The following HSPG2 variants were observed in gnomAD, a reference collection of about 807,000 sequenced individuals.
The protein encoded by HSPG2 is heparan sulfate proteoglycan 2.
In HSPG2, 278 loss-of-function variants were observed where a neutral mutation model predicts 526.6. The observed-to-expected ratio is 0.53, with a 90% CI of 0.48 to 0.58. The LOEUF is 0.58. Among genes scored for constraint, HSPG2 ranks in the 20% least tolerant of loss-of-function variants. The probability of loss-of-function intolerance (pLI) is 0.00; values close to 1 mark genes in which losing one functional copy is unlikely to be tolerated. For missense variants in HSPG2, 5,354 were observed against 6,099.5 expected, an observed-to-expected ratio of 0.88 and a Z score of 4.07; for synonymous variants, 2,465 against 2,555.4, an observed-to-expected ratio of 0.96 and a Z score of 1.07.
chr1:21,917,796 C>T (rs1333752891), intron 1 of HSPG2, among the ~76,000 whole-genome samples: 1 of 152,144 alleles, frequency 6.6e-6, no homozygotes, highest in Non-Finnish European at 1.5e-5. Flanking sequence ...CTTTTTGGAA[C>T]CCCTATAAAG....
intron 13 of HSPG2, 134 bp downstream of exon 13, chr1:21,884,394 C>T (rs1006645687): frequency 8.1e-7 from 1 of 1,238,714 alleles, no homozygotes; most frequent in Non-Finnish European, 1.2e-6. Context: ...TTTGACAGGG[C>T]TCAGTGTTTC....
intron 33 of HSPG2, among the ~76,000 whole-genome samples, chr1:21,866,220 G>A (rs983892973): frequency 3.9e-5 from 6 of 152,220 alleles, no homozygotes; most frequent in East Asian, 1.9e-4. Context: ...GCAGCCCCTC[G>A]GAGGCCTTGC....
chr1:21,850,336 G>A, intron 56 of HSPG2, 27 bp downstream of exon 56: 1 of 1,459,816 alleles, frequency 6.9e-7, no homozygotes, highest in Non-Finnish European at 9.5e-7. Context: ...TGGGTCCCCA[G>A]CCCTGCCCTC....
rs979441342 is a variant in HSPG2 at position 21,832,618 on chromosome 1, C to T, written c.11096-12G>A. 3 of 1,610,254 alleles carry T rather than the reference C, an allele frequency of 1.9e-6. No individual in the cohort carries two copies. The highest frequency in any genetic ancestry group is 2.5e-6 in the Non-Finnish European group (3 of 1,176,792). On this transcript the variant is annotated splice_polypyrimidine_tract_variant and intron_variant, in intron 80 of 96. Coordinates refer to ENST00000374695, the MANE Select transcript of HSPG2 (RefSeq NM_005529.7). ...GTACAGCAGCATCCCTGGGTGGGCACCACTGTGTAAGGGGCCCCCTTCCAG... is the reference window on the plus strand; with the variant it reads ...GTACAGCAGCATCCCTGGGTGGGCATCACTGTGTAAGGGGCCCCCTTCCAG...
intron 1 of HSPG2, among the ~76,000 whole-genome samples, chr1:21,929,251 A>G (rs1644286543): frequency 6.6e-6 from 1 of 152,128 alleles, no homozygotes; most frequent in African/African-American, 2.4e-5. Flanking sequence ...ACACTCAGCA[A>G]GATCCCCTCC....
At chr1:21,880,316 A>G (rs757577055) in intron 16 of HSPG2, 47 bp downstream of exon 16, 44 of 1,613,530 alleles carry the variant, frequency 2.7e-5, no homozygotes, top group Non-Finnish European at 3.7e-5. Flanking sequence ...TTTCTCCTCT[A>G]TCCTTGCTAG....
At chr1:21,840,916 C>T (rs2098045854) in intron 71 of HSPG2, among the ~76,000 whole-genome samples, 185 bp downstream of exon 71, 1 of 152,142 alleles carries the variant, frequency 6.6e-6, no homozygotes, top group Non-Finnish European at 1.5e-5. Context: ...CCTTCTCCTA[C>T]CTTCCTTCTC....
intron 39 of HSPG2, among the ~76,000 whole-genome samples, chr1:21,860,877 G>C (rs1345688206): frequency 2.6e-5 from 4 of 152,164 alleles, no homozygotes; most frequent in African/African-American, 9.7e-5. Flanking sequence ...CTGGTCTGTG[G>C]GACTTACTAG....
At chr1:21,891,767 T>G (rs1480845922) in intron 3 of HSPG2, among the ~76,000 whole-genome samples, 1 of 152,170 alleles carries the variant, frequency 6.6e-6, no homozygotes, top group Non-Finnish European at 1.5e-5. Flanking sequence ...CATGCCACCA[T>G]GCCCAGCTAA....
intron 1 of HSPG2, among the ~76,000 whole-genome samples, chr1:21,935,533 C>T (rs1171440305): frequency 6.6e-6 from 1 of 152,208 alleles, no homozygotes; most frequent in African/African-American, 2.4e-5. Flanking sequence ...CCAGTGACTG[C>T]CATGGAATGT....
At chr1:21,871,407 T>C (rs1032320639) in intron 33 of HSPG2, among the ~76,000 whole-genome samples, 2 of 151,954 alleles carry the variant, frequency 1.3e-5, no homozygotes, top group Non-Finnish European at 2.9e-5. Context: ...ACTACAGGCA[T>C]GCACCAACAC....
chr1:21,836,695 A>C, intron 75 of HSPG2, 107 bp downstream of exon 75: 2 of 941,130 alleles, frequency 2.1e-6, no homozygotes, highest in South Asian at 2.8e-5. Flanking sequence ...GATGTGTCCA[A>C]GGACAGTGCT....
chr1:21,937,173 C>A lies in HSPG2; in HGVS notation c.45G>T (p.Leu15=). 2 of 1,079,580 alleles carry A rather than the reference C, an allele frequency of 1.9e-6. No individual in the cohort carries two copies. The highest frequency in any genetic ancestry group is 2.6e-5 in the South Asian group (1 of 38,914). 66.9% of individuals were successfully genotyped at this position (1,079,580 alleles called of 1,614,324 possible). Residue 15 remains leucine (L), a synonymous_variant, in exon 1 of 97, where the codon CTG becomes CTT. Coordinates refer to ENST00000374695, the MANE Select transcript of HSPG2 (RefSeq NM_005529.7). ...CACTCACCGCCAGCAGCCGCCCGTG[C>A]AGCAGCAGCGCCAGCAGCAGCGCGC... ...AAGALLLALL[L]HGRLLAVTHG... is the part of the protein sequence containing the mutation.
In HSPG2 at chr1:21,890,169, G is replaced by A. The variant is rs561129201; in HGVS notation, c.414-28C>T. The A allele has an allele frequency of 6.2e-7, 1 of 1,613,276 alleles. No homozygotes were observed. The highest frequency in any genetic ancestry group is 2.2e-5 in the East Asian group (1 of 44,874). On this transcript the variant is annotated intron_variant, in intron 5 of 96. Transcript: ENST00000374695. This position sits in a 1 kb window ranked among gnomAD's most constrained non-coding sequence, Gnocchi z 4.1. ...GGGGATGGAGACAGGCAGGAGAGGA[G>A]GGTCAGCGAGACACCTGTGTTCTCA...
In HSPG2 at chr1:21,872,866, C is replaced by T. The variant is rs749712813; in HGVS notation, c.3889-106G>A. The T allele has an allele frequency of 3.9e-6, 6 of 1,535,772 alleles. No homozygotes were observed. The African/African-American group carries it at 6.8e-5, about 17-fold the overall frequency. ...GGCCACTTCCAGCAGCCCCGGGCAG[C>T]CCCTGCCCTGTCCCCCATGCCCTGC... is the stretch of plus-strand genomic sequence containing the variant. On this transcript the variant is annotated intron_variant, in intron 31 of 96. Coordinates refer to ENST00000374695, the MANE Select transcript of HSPG2 (RefSeq NM_005529.7). The surrounding 1 kb of genome is among the most constrained non-coding windows in gnomAD (Gnocchi z 5.5).
Position 21,851,881 on chromosome 1 carries a change from C to T in HSPG2, c.6916G>A (p.Ala2306Thr). 6.2e-7 allele frequency: 1 copy of T among 1,612,454 alleles called. No homozygotes were observed. The highest frequency in any genetic ancestry group is 8.5e-7 in the Non-Finnish European group (1 of 1,179,552). Reference sequence around the variant, plus strand: ...CTGGCCCGGCAGACGTACTGTCCCGCATCGGCAGGTGAGGCCTGGAAGATG... The same window carrying T: ...CTGGCCCGGCAGACGTACTGTCCCGTATCGGCAGGTGAGGCCTGGAAGATG... ...LYIFQASPAD[A>T]GQYVCRASNG... The change falls in exon 54 of 97, where the codon GCG becomes ACG. Residue 2306 changes from alanine (A) to threonine (T), a missense_variant. Coordinates refer to ENST00000374695, the MANE Select transcript of HSPG2 (RefSeq NM_005529.7).
chr1:21,874,780 A>T, intron 26 of HSPG2, 51 bp from the exon 27 acceptor site: 1 of 1,530,252 alleles, frequency 6.5e-7, no homozygotes, highest in Non-Finnish European at 8.9e-7. Flanking sequence ...CGGCCCATTC[A>T]GGTAGGGGCA....
Position 21,890,814 on chromosome 1 carries a change from C to A in HSPG2, c.245-120G>T, listed in dbSNP as rs1642306043. 5.4e-6 allele frequency: 4 copies of A among 743,346 alleles called. No homozygotes were observed. The African/African-American group carries it at 6.9e-5, about 13-fold the overall frequency. The allele number at this position is 743,346 out of a possible 1,614,324, so 46.0% of individuals were successfully genotyped here. Reference sequence around the variant, plus strand: ...CCCCAGAGGCCTCCCTCGAGGCTGACACCTGTGTGCCCACTGCTACACCCA... The same window carrying A: ...CCCCAGAGGCCTCCCTCGAGGCTGAAACCTGTGTGCCCACTGCTACACCCA... On this transcript the variant is annotated intron_variant, in intron 3 of 96. Coordinates refer to ENST00000374695, the MANE Select transcript of HSPG2 (RefSeq NM_005529.7). This position sits in a 1 kb window ranked among gnomAD's most constrained non-coding sequence, Gnocchi z 4.1.
In HSPG2 at chr1:21,850,451, C is replaced by T. The variant is rs778100724; in HGVS notation, c.7206G>A (p.Ser2402=). The T allele has an allele frequency of 3.7e-5, 60 of 1,612,150 alleles. No individual in the cohort carries two copies. Among genetic ancestry groups the T allele is most frequent in the Non-Finnish European group, 5.1e-5 (60 of 1,179,490 alleles). ...CCAACACTCGGCACACGTACTCGCCCGAGTCGGCGGGGGACGCTTGGTAGA... is the reference window on the plus strand; with the variant it reads ...CCAACACTCGGCACACGTACTCGCCTGAGTCGGCGGGGGACGCTTGGTAGA... ...LRLYQASPAD[S]GEYVCRVLGS... is the part of the protein sequence containing the mutation. The change falls in exon 56 of 97, where the codon TCG becomes TCA. Residue 2402 remains serine, a synonymous_variant. Coordinates refer to ENST00000374695, the MANE Select transcript of HSPG2 (RefSeq NM_005529.7).
Sources: gnomAD v4.1 joint callset for allele counts (sites outside exome capture counted in the v4.1 genomes callset) on GRCh38, gnomAD v4.1.1 for gene constraint, Gnocchi (gnomAD v3.1) non-coding constraint, MANE v1.5 for transcripts, NCBI Gene and HGNC (gene_info 2026-07-23, HGNC 2026-07-21) for gene names.